The following PPP3CA variants were observed in gnomAD, a reference collection of about 807,000 sequenced individuals.
PPP3CA encodes protein phosphatase 3 catalytic subunit alpha, also known as CAM-PRP catalytic subunit.
Under a neutral mutation model 66.5 loss-of-function variants are expected in PPP3CA, and 14 were observed. That is an observed-to-expected ratio of 0.21 (90% CI 0.14 to 0.33). PPP3CA has a LOEUF of 0.33. PPP3CA is among the 10% of genes least tolerant of loss of function. The probability of loss-of-function intolerance (pLI) is 1.00; values close to 1 mark genes in which losing one functional copy is unlikely to be tolerated. For missense variants in PPP3CA, 317 were observed against 639.5 expected, an observed-to-expected ratio of 0.50 and a Z score of 5.44; for synonymous variants, 232 against 226.2, an observed-to-expected ratio of 1.03 and a Z score of -0.23.
chr4:101,135,566 C>A (rs6856475), intron 2 of PPP3CA, among the ~76,000 whole-genome samples: 3,080 of 152,268 alleles, frequency 0.02, 101 homozygotes, highest in African/African-American at 0.069. Flanking sequence ...ATGCATGAGG[C>A]ACCAAGCTTA....
chr4:101,130,078 CAG>C (rs2110281740), intron 2 of PPP3CA, among the ~76,000 whole-genome samples: 1 of 152,020 alleles, frequency 6.6e-6, no homozygotes, highest in South Asian at 2.1e-4. Context: ...AGCTGAAAAA[CAG>C]AGCACGAGAA....
chr4:101,308,357 C>G (rs182385858), intron 1 of PPP3CA, among the ~76,000 whole-genome samples: 4 of 152,290 alleles, frequency 2.6e-5, no homozygotes, highest in Admixed American at 6.5e-5. Context: ...ATTGGTATTA[C>G]TATCATTCCA....
intron 8 of PPP3CA, among the ~76,000 whole-genome samples, chr4:101,079,978 G>A (rs1729364742): frequency 6.6e-6 from 1 of 152,156 alleles, no homozygotes; most frequent in Admixed American, 6.5e-5. Context: ...CAGGAACTCA[G>A]TCTGCATATT....
chr4:101,297,955 G>A (rs1578641778), intron 1 of PPP3CA, among the ~76,000 whole-genome samples: 2 of 152,106 alleles, frequency 1.3e-5, no homozygotes, highest in Admixed American at 1.3e-4. Context: ...CATTATTGAT[G>A]CAAAGAAATA....
At chr4:101,333,289 T>TGG (rs1560722822) in intron 1 of PPP3CA, among the ~76,000 whole-genome samples, 21 of 110,396 alleles carry the variant, frequency 1.9e-4, no homozygotes, top group African/African-American at 7.9e-4. Context: ...TTTTTTTTTT[T>TGG]TTTTTTTTTT....
At chr4:101,054,580 A>C (rs1364866287) in intron 10 of PPP3CA, among the ~76,000 whole-genome samples, 1 of 152,128 alleles carries the variant, frequency 6.6e-6, no homozygotes, top group Admixed American at 6.6e-5. Context: ...CTCAAGGACC[A>C]GTAAGATACA....
At position 101,320,493 on chromosome 4, in the gene PPP3CA, T is replaced by TAC. The variant is rs147488680; in HGVS notation, c.58+26244_58+26245dup. Among the ~76,000 whole-genome samples the TAC allele has an allele frequency of 6.7e-3, 960 of 143,218 alleles. 5 individuals are homozygous for TAC. Among genetic ancestry groups the TAC allele is most frequent in the Non-Finnish European group, 0.011 (733 of 65,408 alleles). 94.0% of individuals were successfully genotyped at this position (143,218 alleles called of 152,430 possible). On this transcript the variant is annotated intron_variant, in intron 1 of 13. Transcript: ENST00000394854. The stretch of plus-strand genomic sequence containing the variant: ...GTATGTATGTGTGTGTGTGTGTGTA[T>TAC]ACACACACACACACACACATACACA...
chr4:101,099,493 A>G (rs574394456), intron 4 of PPP3CA, 118 bp downstream of exon 4: 140 of 478,154 alleles, frequency 2.9e-4, no homozygotes, highest in African/African-American at 2.6e-3. Flanking sequence ...AATATGAAAG[A>G]GTGTCACTTT....
chr4:101,152,979 T>C (rs1224864462), intron 2 of PPP3CA, among the ~76,000 whole-genome samples: 1 of 152,162 alleles, frequency 6.6e-6, no homozygotes, highest in Non-Finnish European at 1.5e-5. Flanking sequence ...GTAAGGTTTA[T>C]CTGGGTCAAA....
chr4:101,036,814 T>A lies in PPP3CA; in HGVS notation c.1241+3668A>T, dbSNP rs187445881. On this transcript the variant is annotated intron_variant, in intron 11 of 13. Transcript: ENST00000394854. Reference sequence around the variant, plus strand: ...TGCCAAATTCAGTGCATCCTACTCTTCCCGATAAATACCTGTTAGGTATTT... The same window carrying A: ...TGCCAAATTCAGTGCATCCTACTCTACCCGATAAATACCTGTTAGGTATTT... Among the ~76,000 whole-genome samples, 698 of 152,290 alleles carry A rather than the reference T, an allele frequency of 4.6e-3. 4 individuals are homozygous for A. The highest frequency in any genetic ancestry group is 9.1e-3 in the Admixed American group (140 of 15,304).
chr4:101,207,866 T>C (rs1725182834), intron 1 of PPP3CA, among the ~76,000 whole-genome samples: 3 of 150,674 alleles, frequency 2.0e-5, no homozygotes. Context: ...ATAACTAGAG[T>C]ATCTAACTCA....
At chr4:101,274,943 G>A (rs896891524) in intron 1 of PPP3CA, among the ~76,000 whole-genome samples, 1 of 152,074 alleles carries the variant, frequency 6.6e-6, no homozygotes, top group Non-Finnish European at 1.5e-5. Flanking sequence ...AGCATTGAAA[G>A]CCTTTAATAA....
chr4:101,160,592 A>G (rs1017742216), intron 2 of PPP3CA, among the ~76,000 whole-genome samples: 1 of 152,016 alleles, frequency 6.6e-6, no homozygotes, highest in Non-Finnish European at 1.5e-5. Context: ...TTTCATTTCT[A>G]TGAAGTCAAG....
At chr4:101,029,103 G>T in intron 13 of PPP3CA, 63 bp downstream of exon 13, 1 of 1,482,336 alleles carries the variant, frequency 6.7e-7, no homozygotes, top group South Asian at 1.1e-5. Flanking sequence ...GCAAAAAAAT[G>T]AATACACCCA....
chr4:101,195,623 C>T (rs1724765344), intron 2 of PPP3CA, among the ~76,000 whole-genome samples: 1 of 152,192 alleles, frequency 6.6e-6, no homozygotes, highest in Non-Finnish European at 1.5e-5. Flanking sequence ...CTGTGTGCCA[C>T]TTAGTATTTC....
chr4:101,264,637 T>C (rs1167021959), intron 1 of PPP3CA, among the ~76,000 whole-genome samples: 1 of 152,170 alleles, frequency 6.6e-6, no homozygotes, highest in Non-Finnish European at 1.5e-5. Flanking sequence ...TGTCCCTCAG[T>C]CTCAGTGTAA....
At chr4:101,106,397 G>GA (rs1179858645) in intron 3 of PPP3CA, among the ~76,000 whole-genome samples, 234 of 6,008 alleles carry the variant, frequency 0.039, 18 homozygotes, top group African/African-American at 0.1. Flanking sequence ...AAGAAAGAAA[G>GA]AAAGAAAGAA....
chr4:101,209,626 A>G (rs1428919499), intron 1 of PPP3CA, among the ~76,000 whole-genome samples: 1 of 152,216 alleles, frequency 6.6e-6, no homozygotes, highest in East Asian at 1.9e-4. Flanking sequence ...CCTATTCCAG[A>G]TGCTGCTATA....
intron 1 of PPP3CA, among the ~76,000 whole-genome samples, chr4:101,294,773 T>C (rs1728143320): frequency 6.6e-6 from 1 of 151,882 alleles, no homozygotes; most frequent in South Asian, 2.1e-4. Flanking sequence ...TGGCTTTTAC[T>C]CACTAGATAC....
Sources: gnomAD v4.1 joint callset for allele counts (sites outside exome capture counted in the v4.1 genomes callset) on GRCh38, gnomAD v4.1.1 for gene constraint, MANE v1.5 for transcripts, NCBI Gene and HGNC (gene_info 2026-07-23, HGNC 2026-07-21) for gene names.